Variants in PHF14 observed in about 807,000 individuals in gnomAD.
PHF14 encodes PHD finger protein 14.
PHF14 carries 55 observed loss-of-function variants against 117.9 expected under a neutral mutation model. The ratio of observed to expected loss-of-function variants is 0.47; its 90% CI spans 0.38 to 0.58. The LOEUF is 0.58. Ranked by LOEUF, PHF14 falls within the 20% of genes least tolerant of loss-of-function variation. The pLI is 0.00. For missense variants in PHF14, 978 were observed against 1,122.2 expected (o/e 0.87, Z 1.84); for synonymous variants, 409 against 368.6 (o/e 1.11, Z -1.26).
At chr7:11,164,385 A>T (rs1053772860) in intron 17 of PHF14, among the ~76,000 whole-genome samples, 3 of 152,212 alleles carry the variant, frequency 2.0e-5, no homozygotes, top group African/African-American at 7.2e-5. Flanking sequence ...AATGTGGCAA[A>T]GCACAGGTAA....
chr7:11,016,647 A>G (rs776325132), intron 5 of PHF14, among the ~76,000 whole-genome samples: 6 of 152,138 alleles, frequency 3.9e-5, no homozygotes, highest in Non-Finnish European at 7.3e-5. Context: ...CATGGGGTAC[A>G]TGAGATGTTT....
Position 11,010,528 on chromosome 7 carries a change from TAAA to T in PHF14, c.1046-3216_1046-3214del, listed in dbSNP as rs1783313412. ...TAATTATGTATTAAAGTATGTTAAT[TAAA>T]AATGTTAATTAAATGAAATTAATTA... is the stretch of plus-strand genomic sequence containing the variant. On this transcript the variant is annotated intron_variant, in intron 4 of 17. Coordinates refer to ENST00000634607, the MANE Select transcript of PHF14 (RefSeq NM_001007157.2). Among the ~76,000 whole-genome samples, 4 of 151,800 alleles carry T rather than the reference TAAA, an allele frequency of 2.6e-5. No individual in the cohort carries two copies. The South Asian group carries it at 8.3e-4, about 31-fold the overall frequency.
intron 17 of PHF14, among the ~76,000 whole-genome samples, chr7:11,158,998 A>G (rs376458906): frequency 1.5e-4 from 23 of 152,238 alleles, no homozygotes; most frequent in East Asian, 9.6e-4. Context: ...AACTATTTAC[A>G]GTTTATCTGG....
At chr7:10,980,215 G>C (rs958214495) in intron 2 of PHF14, among the ~76,000 whole-genome samples, 3 of 152,008 alleles carry the variant, frequency 2.0e-5, no homozygotes, top group Admixed American at 2.0e-4. Context: ...TGCGTCTATC[G>C]TGAAGTTTTG....
Position 10,982,658 on chromosome 7 carries a change from G to GGAAAAA in PHF14, c.407_412dup (p.Glu136_Lys137dup). 1 of 1,536,034 alleles carries GGAAAAA rather than the reference G, an allele frequency of 6.5e-7. No individual in the cohort carries two copies. Among genetic ancestry groups the GGAAAAA allele is most frequent in the Non-Finnish European group, 8.9e-7 (1 of 1,127,314 alleles). ...AGGAGAAAGAGAAGGAAAGAGAGAA[G>GGAAAAA]GAAAAAGAAAAAGCAACAGTATCTG... On this transcript the variant is annotated inframe_insertion, in exon 3 of 18. Transcript: ENST00000634607.
chr7:11,105,787 A>G, intron 16 of PHF14: 1 of 984,804 alleles, frequency 1.0e-6, no homozygotes, highest in Non-Finnish European at 1.2e-6. Flanking sequence ...GTTCAGGTAC[A>G]TAAGATGTAA....
At chr7:11,090,289 C>T (rs992893213) in intron 16 of PHF14, among the ~76,000 whole-genome samples, 2 of 152,190 alleles carry the variant, frequency 1.3e-5, no homozygotes, top group Non-Finnish European at 2.9e-5. Flanking sequence ...TAGGCACTCC[C>T]TGTAATTGCC....
intron 17 of PHF14, among the ~76,000 whole-genome samples, chr7:11,116,923 C>G (rs778458216): frequency 1.3e-5 from 2 of 151,694 alleles, no homozygotes; most frequent in Non-Finnish European, 2.9e-5. Context: ...TGTATATTGC[C>G]ATATAAGATA....
Position 11,076,878 on chromosome 7 carries a change from G to GTT in PHF14, c.2654+14806_2654+14807dup, listed in dbSNP as rs111330414. Among the ~76,000 whole-genome samples the GTT allele has an allele frequency of 6.9e-3, 934 of 135,342 alleles. 11 individuals are homozygous for GTT. The highest frequency in any genetic ancestry group is 0.024 in the African/African-American group (889 of 37,578). The allele number at this position is 135,342 out of a possible 152,430, so 88.8% of individuals were successfully genotyped here. A position where few individuals can be genotyped will look rare whatever the true frequency, so the allele number is the denominator to read the frequency against. ...TCACTGTGCCTAGCTTTCAAATATGGTTTTTTTTTTTTTTGGCAAAATTAC... is the reference window on the plus strand; with the variant it reads ...TCACTGTGCCTAGCTTTCAAATATGGTTTTTTTTTTTTTTTTGGCAAAATTAC... On this transcript the variant is annotated intron_variant, in intron 16 of 17. Transcript: ENST00000634607.
chr7:11,056,996 G>C (rs1415809389), intron 14 of PHF14, among the ~76,000 whole-genome samples: 1 of 151,942 alleles, frequency 6.6e-6, no homozygotes, highest in African/African-American at 2.4e-5. Context: ...CCATGAATAA[G>C]CATGTTCTAT....
At chr7:11,135,695 G>A (rs931136072) in intron 17 of PHF14, among the ~76,000 whole-genome samples, 5 of 151,992 alleles carry the variant, frequency 3.3e-5, no homozygotes, top group South Asian at 2.1e-4. Flanking sequence ...ATTCATTGCC[G>A]TGGTTATATT....
chr7:11,111,314 T>C (rs1316906961), intron 16 of PHF14, 36 bp from the exon 17 acceptor site: 1 of 984,764 alleles, frequency 1.0e-6, no homozygotes, highest in South Asian at 1.4e-5. Flanking sequence ...TTATATTATT[T>C]AGATACACCT....
At chr7:11,129,367 T>G (rs1788023419) in intron 17 of PHF14, among the ~76,000 whole-genome samples, 1 of 152,034 alleles carries the variant, frequency 6.6e-6, no homozygotes, top group Non-Finnish European at 1.5e-5. Context: ...ATTATTTTCT[T>G]ATGTAGTTCA....
chr7:11,083,622 G>A (rs367954143), intron 16 of PHF14, among the ~76,000 whole-genome samples: 80 of 151,712 alleles, frequency 5.3e-4, no homozygotes, highest in African/African-American at 1.6e-3. Flanking sequence ...CACTACGCCC[G>A]GCTAACTTCT....
intron 17 of PHF14, among the ~76,000 whole-genome samples, chr7:11,153,567 T>G (rs1338278960): frequency 1.3e-5 from 2 of 152,086 alleles, no homozygotes; most frequent in Non-Finnish European, 2.9e-5. Flanking sequence ...ATAAAGTAGT[T>G]GGCATTTGTG....
chr7:11,085,757 C>T (rs1786379686), intron 16 of PHF14, among the ~76,000 whole-genome samples: 1 of 152,124 alleles, frequency 6.6e-6, no homozygotes, highest in East Asian at 1.9e-4. Context: ...CAGGGTCTCA[C>T]TATATTGTCC....
intron 13 of PHF14, among the ~76,000 whole-genome samples, chr7:11,049,533 C>G (rs1424060895): frequency 6.6e-6 from 1 of 150,894 alleles, no homozygotes; most frequent in Non-Finnish European, 1.5e-5. Context: ...CTACATTTCA[C>G]TCAACTGATA....
At chr7:11,087,482 G>T (rs191842072) in intron 16 of PHF14, among the ~76,000 whole-genome samples, 4 of 152,042 alleles carry the variant, frequency 2.6e-5, no homozygotes, top group Non-Finnish European at 5.9e-5. Context: ...GAGCCACTGC[G>T]CCTGGCCAGC....
intron 12 of PHF14, among the ~76,000 whole-genome samples, chr7:11,042,199 T>C (rs1784524132): frequency 1.3e-5 from 2 of 152,122 alleles, no homozygotes; most frequent in Admixed American, 6.5e-5. Context: ...ATACTTGCAG[T>C]ATATCTACAT....
Sources: allele counts gnomAD v4.1 joint callset (sites outside exome capture counted in the v4.1 genomes callset), GRCh38; gene constraint gnomAD v4.1.1; transcripts MANE v1.5; gene names NCBI Gene and HGNC (gene_info 2026-07-23, HGNC 2026-07-21).